Variants in TENM3 observed in about 807,000 individuals in gnomAD.
TENM3 encodes teneurin transmembrane protein 3.
A neutral mutation model predicts 255.1 loss-of-function variants in TENM3; 63 were observed. The observed-to-expected ratio is 0.25, with a 90% confidence interval of 0.20 to 0.30. The LOEUF (loss-of-function observed/expected upper bound fraction) is 0.30. Ranked by LOEUF, TENM3 falls within the 10% of genes least tolerant of loss-of-function variation. The pLI is 1.00. For synonymous variants in TENM3, 1,306 were observed against 1,322.3 expected (o/e 0.99, Z 0.27); for missense variants, 2,929 against 3,461.1 (o/e 0.85, Z 3.86).
chr4:182,322,599 A>G (rs1763121332), intron 1 of TENM3, among the ~76,000 whole-genome samples: 1 of 152,218 alleles, frequency 6.6e-6, no homozygotes, highest in African/African-American at 2.4e-5. Context: ...CTGAGTTGAC[A>G]TGGGAGAGAG....
the TENM3 span, among the ~76,000 whole-genome samples, chr4:181,815,327 T>C: frequency 6.6e-6 from 1 of 151,668 alleles, no homozygotes; most frequent in African/African-American, 2.4e-5. Context: ...CTGGGCATGA[T>C]GGCATGTGCC....
chr4:182,462,509 C>T (rs893170716), intron 3 of TENM3, among the ~76,000 whole-genome samples: 2 of 151,744 alleles, frequency 1.3e-5, no homozygotes, highest in African/African-American at 4.8e-5. Context: ...GCACTCAGAA[C>T]GCCTTTGAGT....
chr4:182,100,836 T>C, the TENM3 span, among the ~76,000 whole-genome samples: 11 of 9,598 alleles, frequency 1.1e-3, 1 homozygote, highest in African/African-American at 2.6e-3. Context: ...TATATATATA[T>C]ATACTCATAT....
At chr4:182,281,867 C>A (rs1417052320) in intron 1 of TENM3, among the ~76,000 whole-genome samples, 1 of 152,174 alleles carries the variant, frequency 6.6e-6, no homozygotes, top group Admixed American at 6.5e-5. Context: ...TCCAGAGTAG[C>A]TGGTATTACA....
chr4:182,648,075 C>G (rs1341252848), intron 5 of TENM3, among the ~76,000 whole-genome samples: 3 of 152,064 alleles, frequency 2.0e-5, no homozygotes, highest in African/African-American at 7.2e-5. Flanking sequence ...GTCATGTGCC[C>G]TTCTTCTGTA....
upstream of TENM3, among the ~76,000 whole-genome samples, chr4:182,140,812 GCTGA>G (rs1199518620): frequency 1.3e-5 from 2 of 152,332 alleles, no homozygotes; most frequent in African/African-American, 4.8e-5. Flanking sequence ...CGCATGTGAT[GCTGA>G]CTAAAATGGA....
At chr4:182,750,888 C>T (rs1762323146) in intron 19 of TENM3, among the ~76,000 whole-genome samples, 1 of 152,118 alleles carries the variant, frequency 6.6e-6, no homozygotes, top group Non-Finnish European at 1.5e-5. Flanking sequence ...ACAATCTTTG[C>T]ACATGTACAA....
the TENM3 span, among the ~76,000 whole-genome samples, chr4:182,006,814 G>C: frequency 6.6e-6 from 1 of 151,982 alleles, no homozygotes; most frequent in Non-Finnish European, 1.5e-5. Flanking sequence ...TTTTAATTGT[G>C]ATGTTACAGT....
intron 3 of TENM3, among the ~76,000 whole-genome samples, chr4:182,430,031 G>A (rs953818602): frequency 1.9e-4 from 29 of 152,200 alleles, no homozygotes; most frequent in African/African-American, 3.9e-4. Flanking sequence ...TGACTCCTGC[G>A]TCTGTGGTCT....
At chr4:182,493,679 T>G (rs1431340717) in intron 3 of TENM3, among the ~76,000 whole-genome samples, 1 of 152,150 alleles carries the variant, frequency 6.6e-6, no homozygotes, top group Non-Finnish European at 1.5e-5. Flanking sequence ...TCTTATGAAG[T>G]CATTAAATAC....
chr4:182,020,005 G>A, the TENM3 span, among the ~76,000 whole-genome samples: 1 of 152,032 alleles, frequency 6.6e-6, no homozygotes, highest in Admixed American at 6.6e-5. Flanking sequence ...GGAAGACTCA[G>A]TCTTCATGGG....
the TENM3 span, among the ~76,000 whole-genome samples, chr4:181,769,407 C>T: frequency 1.2e-4 from 18 of 152,172 alleles, no homozygotes; most frequent in African/African-American, 2.9e-4. Flanking sequence ...TGACCTTGGG[C>T]GCTTTCACTG....
chr4:182,351,029 C>CTT (rs773661883), intron 3 of TENM3, among the ~76,000 whole-genome samples: 1 of 152,090 alleles, frequency 6.6e-6, no homozygotes, highest in Non-Finnish European at 1.5e-5. Context: ...CACCACCCAG[C>CTT]TTTGCAAGTG....
At chr4:182,389,224 A>G (rs1768231078) in intron 3 of TENM3, among the ~76,000 whole-genome samples, 2 of 152,136 alleles carry the variant, frequency 1.3e-5, no homozygotes, top group Admixed American at 1.3e-4. Flanking sequence ...CTGAAAGTAC[A>G]GTTTTGTGTT....
At chr4:181,796,526 C>T in the TENM3 span, among the ~76,000 whole-genome samples, 2,168 of 152,154 alleles carry the variant, frequency 0.014, 57 homozygotes, top group African/African-American at 0.05. Flanking sequence ...GAGGGCGCAG[C>T]ACAGATGGCC....
chr4:181,813,254 A>C, the TENM3 span, among the ~76,000 whole-genome samples: 1 of 152,132 alleles, frequency 6.6e-6, no homozygotes, highest in African/African-American at 2.4e-5. Context: ...GGGGTGGCAC[A>C]GAGGAGTGGG....
At chr4:182,202,275 C>T (rs1256254899) in intron 1 of TENM3, among the ~76,000 whole-genome samples, 7 of 150,228 alleles carry the variant, frequency 4.7e-5, no homozygotes, top group Admixed American at 4.0e-4. Context: ...ACTTTGAATG[C>T]ACAACTAAGA....
Position 182,346,930 on chromosome 4 carries a change from G to GT in TENM3, c.511+2dup, listed in dbSNP as rs1764858354. ...GAAAACAAGTCCGACAGTGAGAATGGTAAGTTTCCTTTTTGGCTTTATAAT... is the reference window on the plus strand; with the variant it reads ...GAAAACAAGTCCGACAGTGAGAATGGTTAAGTTTCCTTTTTGGCTTTATAAT... On this transcript the variant is annotated splice_donor_variant, in intron 3 of 27. Coordinates refer to ENST00000511685, the MANE Select transcript of TENM3 (RefSeq NM_001080477.4). LOFTEE classifies it high-confidence loss of function. 2.5e-6 allele frequency: 4 copies of GT among 1,578,890 alleles called. No individual in the cohort carries two copies. The highest frequency in any genetic ancestry group is 1.1e-5 in the South Asian group (1 of 88,948).
At chr4:181,818,596 T>C in the TENM3 span, among the ~76,000 whole-genome samples, 70,651 of 150,990 alleles carry the variant, frequency 0.47, 17,199 homozygotes, top group Admixed American at 0.58. Flanking sequence ...CCATAGTGCA[T>C]GGTGCAGTAA....
Sources: gnomAD v4.1 joint callset for allele counts (sites outside exome capture counted in the v4.1 genomes callset) on GRCh38, gnomAD v4.1.1 for gene constraint, MANE v1.5 for transcripts, NCBI Gene and HGNC (gene_info 2026-07-23, HGNC 2026-07-21) for gene names.